The following MTIF3 variants were observed in gnomAD, a reference collection of about 807,000 sequenced individuals.
The protein encoded by MTIF3 is mitochondrial translational initiation factor 3.
Under a neutral mutation model 20.7 loss-of-function variants are expected in MTIF3, and 13 were observed. That is an observed-to-expected ratio of 0.63 (90% confidence interval 0.41 to 1.00). MTIF3 has a LOEUF of 1.00. Among genes scored for constraint, MTIF3 ranks in the 50% least tolerant of loss-of-function variants. The pLI, the probability that MTIF3 is intolerant of heterozygous loss-of-function variation, is 0.00. For missense variants in MTIF3, 295 were observed against 324.5 expected (o/e 0.91, Z 0.70); for synonymous variants, 114 against 112.5 (o/e 1.01, Z -0.08).
intron 2 of MTIF3, among the ~76,000 whole-genome samples, chr13:27,441,610 G>C (rs917006241): frequency 2.6e-5 from 4 of 152,188 alleles, no homozygotes; most frequent in Non-Finnish European, 5.9e-5. Context: ...ATGGCACATT[G>C]ATTTTTTAAT....
At chr13:27,442,219 G>T (rs1024123647) in intron 2 of MTIF3, among the ~76,000 whole-genome samples, 2 of 152,126 alleles carry the variant, frequency 1.3e-5, no homozygotes, top group Admixed American at 1.3e-4. Context: ...TGGTTGCTCA[G>T]GCCAAAAATA....
chr13:27,443,248 GGA>G (rs1169840017), intron 2 of MTIF3, among the ~76,000 whole-genome samples: 3 of 152,178 alleles, frequency 2.0e-5, no homozygotes, highest in African/African-American at 7.2e-5. Flanking sequence ...CTCTAAGGTG[GGA>G]GCAAAGTGAT....
intron 2 of MTIF3, among the ~76,000 whole-genome samples, chr13:27,440,806 C>T (rs1000795406): frequency 5.3e-5 from 8 of 152,150 alleles, no homozygotes; most frequent in Admixed American, 3.9e-4. Context: ...GAAACAGACC[C>T]CCTGTGCAGT....
rs767023553 is a variant in MTIF3, at chr13:27,435,935, G to C, written c.619-42C>G. On this transcript the variant is annotated intron_variant, in intron 4 of 4. Coordinates refer to ENST00000381120, the MANE Select transcript of MTIF3 (RefSeq NM_152912.5). ...GCCAAAGATTAATTTAAAATCAGAG[G>C]CTTTGGTGCTTTCTAATGTTCTGCT... 2.0e-6 allele frequency: 3 copies of C among 1,503,622 alleles called. No homozygotes were observed. The African/African-American group carries it at 4.2e-5, about 21-fold the overall frequency. The allele number at this position is 1,503,622 out of a possible 1,614,324, so 93.1% of individuals were successfully genotyped here.
At chr13:27,438,483 GTTTTTTTTTTT>G (rs61052475) in intron 3 of MTIF3, among the ~76,000 whole-genome samples, 17 of 107,130 alleles carry the variant, frequency 1.6e-4, no homozygotes, top group South Asian at 1.5e-3. Flanking sequence ...GAGCAAGACT[GTTTTTTTTTTT>G]TTTTTTTTTT....
chr13:27,439,324 CCTCT>C (rs984344586), intron 3 of MTIF3, among the ~76,000 whole-genome samples: 11 of 152,060 alleles, frequency 7.2e-5, no homozygotes, highest in African/African-American at 1.2e-4. Context: ...GGTGAAACCC[CCTCT>C]CTATTAAAAA....
chr13:27,439,233 C>T (rs1427338066), intron 3 of MTIF3, among the ~76,000 whole-genome samples: 3 of 152,204 alleles, frequency 2.0e-5, no homozygotes, highest in Admixed American at 6.5e-5. Context: ...CAGTGGATCA[C>T]GCCTGTAATC....
chr13:27,438,311 C>T (rs1953859727), intron 3 of MTIF3, among the ~76,000 whole-genome samples: 1 of 108,012 alleles, frequency 9.3e-6, no homozygotes, highest in Admixed American at 1.1e-4. Context: ...TAGCGAGACC[C>T]CATCTCTACA....
intron 4 of MTIF3, among the ~76,000 whole-genome samples, chr13:27,436,793 C>G (rs1953778310): frequency 7.3e-6 from 1 of 137,416 alleles, no homozygotes; most frequent in South Asian, 2.4e-4. Context: ...GCTCTGTCAC[C>G]CAGGCTGGAG....
intron 2 of MTIF3, among the ~76,000 whole-genome samples, chr13:27,443,723 T>A (rs1954079204): frequency 6.6e-6 from 1 of 152,208 alleles, no homozygotes; most frequent in African/African-American, 2.4e-5. Context: ...TATTAAAATA[T>A]AAAAAATTTC....
chr13:27,439,873 T>C (rs527412203), intron 3 of MTIF3, 116 bp downstream of exon 3: 371 of 861,460 alleles, frequency 4.3e-4, no homozygotes, highest in Non-Finnish European at 6.1e-4. Context: ...GGTTGAATCA[T>C]GAATTTTCTA....
At chr13:27,438,267 C>G (rs140269487) in intron 3 of MTIF3, among the ~76,000 whole-genome samples, 1 of 127,716 alleles carries the variant, frequency 7.8e-6, no homozygotes, top group Non-Finnish European at 1.6e-5. Flanking sequence ...GCAGGCAGAT[C>G]GTTGGAGCTC....
chr13:27,439,697 A>G (rs1953923877), intron 3 of MTIF3, among the ~76,000 whole-genome samples: 1 of 152,182 alleles, frequency 6.6e-6, no homozygotes, highest in Non-Finnish European at 1.5e-5. Context: ...GCCACAGGAC[A>G]GGGGAAAGAG....
At chr13:27,449,572 C>T (rs139853243) in intron 1 of MTIF3, among the ~76,000 whole-genome samples, 79 of 152,344 alleles carry the variant, frequency 5.2e-4, no homozygotes, top group African/African-American at 1.8e-3. Context: ...ACCTTCCAAA[C>T]TAAGCCAGTT....
intron 2 of MTIF3, among the ~76,000 whole-genome samples, chr13:27,442,619 C>T (rs1053596076): frequency 2.0e-5 from 3 of 152,198 alleles, no homozygotes; most frequent in Non-Finnish European, 4.4e-5. Context: ...CCTTGCTGTT[C>T]CTTGTGAACA....
At chr13:27,446,603 T>G (rs1954188221) in intron 1 of MTIF3, among the ~76,000 whole-genome samples, 1 of 152,236 alleles carries the variant, frequency 6.6e-6, no homozygotes, top group Non-Finnish European at 1.5e-5. Context: ...ATGTAACTAT[T>G]CTAGTCTGTG....
chr13:27,445,249 G>A (rs1334886716), intron 1 of MTIF3, 93 bp from the exon 2 acceptor site: 1 of 152,188 alleles, frequency 6.6e-6, no homozygotes, highest in Non-Finnish European at 1.5e-5. Context: ...GGAGGCCAAG[G>A]CGAGAGGATC....
chr13:27,449,870 A>C (rs529658387), intron 1 of MTIF3: 1 of 152,370 alleles, frequency 6.6e-6, no homozygotes. Flanking sequence ...GAGACTTCTC[A>C]GTAAGAGAAC....
intron 2 of MTIF3, among the ~76,000 whole-genome samples, chr13:27,443,697 TAATA>T (rs1210138195): frequency 2.0e-5 from 3 of 152,196 alleles, no homozygotes; most frequent in Admixed American, 6.5e-5. Flanking sequence ...GTGCCTTGTT[TAATA>T]AATTATCAAC....
Sources: allele counts gnomAD v4.1 joint callset (sites outside exome capture counted in the v4.1 genomes callset), GRCh38; gene constraint gnomAD v4.1.1; transcripts MANE v1.5; gene names NCBI Gene and HGNC (gene_info 2026-07-23, HGNC 2026-07-21).